CHD5: variants seen among roughly 807,000 people sequenced by gnomAD.
The protein encoded by CHD5 is ATP-dependent chromatin remodeler CHD5.
CHD5 carries 69 observed loss-of-function variants against 230.3 expected under a neutral mutation model. That is an observed-to-expected ratio of 0.30 (90% CI 0.25 to 0.37). The LOEUF (loss-of-function observed/expected upper bound fraction) is 0.37. CHD5 is among the 10% of genes least tolerant of loss of function. The pLI, the probability that CHD5 is intolerant of heterozygous loss-of-function variation, is 1.00. For synonymous variants in CHD5, 1,064 were observed against 1,065.9 expected (o/e 1.00, Z 0.03); for missense variants, 1,827 against 2,622.8 (o/e 0.70, Z 6.63).
At position 6,142,932 on chromosome 1, in the gene CHD5, G is replaced by T. The variant is rs1233759517; in HGVS notation, c.2044-327C>A. Among the ~76,000 whole-genome samples the T allele has an allele frequency of 6.6e-6, 1 of 152,202 alleles. No homozygotes were observed. The highest frequency in any genetic ancestry group is 1.5e-5 in the Non-Finnish European group (1 of 68,044). ...GGTCCTGTTCACTGCCTCCTCTTGA[G>T]TACCACACAGTGCCTGGGACATGTG... On this transcript the variant is annotated intron_variant, in intron 13 of 41. Transcript: ENST00000262450. The surrounding 1 kb of genome is among the most constrained non-coding windows in gnomAD (Gnocchi z 5.2).
rs1360142535 is a variant in CHD5, at chr1:6,104,032, C to T, written c.*1442G>A. The T allele has an allele frequency of 1.3e-5, 2 of 152,136 alleles. No homozygotes were observed. The highest frequency in any genetic ancestry group is 4.8e-5 in the African/African-American group (2 of 41,400). The allele number at this position is 152,136 out of a possible 1,614,324, so 9.4% of individuals were successfully genotyped here. A position where few individuals can be genotyped will look rare whatever the true frequency, so the allele number is the denominator to read the frequency against. On this transcript the variant is annotated 3_prime_UTR_variant, in exon 42 of 42. Coordinates refer to ENST00000262450, the MANE Select transcript of CHD5 (RefSeq NM_015557.3). ...TTCCTAACATTCCCAGGATTCTGCA[C>T]CCCAAGGCACCTTCCCTGGGAAGGT...
chr1:6,180,044 G>A lies in CHD5; in HGVS notation c.-21C>T, dbSNP rs757511767. ...CGCATGCCCGGCGCGGGGAGGAGGG[G>A]AGGTGGGCGCCCCCCCTCCCGCCGG... On this transcript the variant is annotated 5_prime_UTR_variant, in exon 1 of 42. Coordinates refer to ENST00000262450, the MANE Select transcript of CHD5 (RefSeq NM_015557.3). 3.1e-6 allele frequency: 4 copies of A among 1,277,016 alleles called. No homozygotes were observed. The highest frequency in any genetic ancestry group is 2.1e-4 in the Middle Eastern group (1 of 4,782). 79.1% of individuals were successfully genotyped at this position (1,277,016 alleles called of 1,614,324 possible).
At chr1:6,161,075 A>G (rs969906509) in intron 2 of CHD5, among the ~76,000 whole-genome samples, 10 of 152,178 alleles carry the variant, frequency 6.6e-5, no homozygotes, top group African/African-American at 2.4e-4. Context: ...GAGATAAAAA[A>G]TGAGCTCAGG....
intron 2 of CHD5, among the ~76,000 whole-genome samples, chr1:6,163,523 G>C (rs949257498): frequency 7.2e-5 from 11 of 152,170 alleles, no homozygotes; most frequent in Non-Finnish European, 1.5e-5. Flanking sequence ...CCTCCTTTTT[G>C]TGGTGTTTTT....
Position 6,164,825 on chromosome 1 carries a change from G to C in CHD5, c.207+3325C>G, listed in dbSNP as rs375469169. Among the ~76,000 whole-genome samples, 100 of 152,308 alleles carry C rather than the reference G, an allele frequency of 6.6e-4. 1 individual carries two copies. The highest frequency in any genetic ancestry group is 2.4e-3 in the African/African-American group (100 of 41,552). On this transcript the variant is annotated intron_variant, in intron 2 of 41. Coordinates refer to ENST00000262450, the MANE Select transcript of CHD5 (RefSeq NM_015557.3). ...CCTTCCCCTTCCAAGAACCAGAGCT[G>C]CATCTCAGTAGAGAGAAGGAGAGAG...
chr1:6,158,305 GC>G (rs1667110915), intron 3 of CHD5, among the ~76,000 whole-genome samples: 1 of 152,234 alleles, frequency 6.6e-6, no homozygotes, highest in African/African-American at 2.4e-5. Context: ...TAGCCGCTCT[GC>G]CCCACGTGCA....
intron 12 of CHD5, 31 bp from the exon 13 acceptor site, chr1:6,143,962 A>C: frequency 6.2e-7 from 1 of 1,614,118 alleles, no homozygotes. Context: ...CAGGTGAGCA[A>C]GGCTCAGCCC....
rs181256059 is a variant in CHD5 at position 6,171,244 on chromosome 1, C to A, written c.80-2967G>T. On this transcript the variant is annotated intron_variant, in intron 1 of 41. Coordinates refer to ENST00000262450, the MANE Select transcript of CHD5 (RefSeq NM_015557.3). ...GGACAAAGGGGGACCCCTGCTCTGG[C>A]CCTAACCCACGCCCAGAACAGGCCT... 5.4e-4 allele frequency among the ~76,000 whole-genome samples: 83 copies of A among 152,322 alleles called. 1 individual carries two copies. In the East Asian group the frequency reaches 0.014, roughly 25 times the overall value.
chr1:6,158,070 T>A (rs1667107372), intron 3 of CHD5, among the ~76,000 whole-genome samples: 1 of 152,210 alleles, frequency 6.6e-6, no homozygotes. Flanking sequence ...CCTTGGTGTC[T>A]CTTAAAAGAA....
chr1:6,168,843 A>G (rs1340042845), intron 1 of CHD5, among the ~76,000 whole-genome samples: 1 of 151,918 alleles, frequency 6.6e-6, no homozygotes, highest in East Asian at 1.9e-4. Context: ...ACACGATGAA[A>G]CCCCGTCTCT....
At chr1:6,114,967 T>C (rs567972217) in intron 33 of CHD5, among the ~76,000 whole-genome samples, 61 of 150,710 alleles carry the variant, frequency 4.0e-4, no homozygotes, top group African/African-American at 1.3e-3. Flanking sequence ...TGAGCCGAGA[T>C]TGCACCACTG....
chr1:6,114,309 A>G lies in CHD5; in HGVS notation c.4913-1311T>C, dbSNP rs1213803610. On this transcript the variant is annotated intron_variant, in intron 33 of 41. Transcript: ENST00000262450. The stretch of plus-strand genomic sequence containing the variant: ...GATGCACCCAATCTAAACCCAGAAA[A>G]CAATGATCCCCCACCAGCCGACGCA... 5.9e-5 allele frequency among the ~76,000 whole-genome samples: 9 copies of G among 152,156 alleles called. No homozygotes were observed. The East Asian group carries it at 1.7e-3, about 29-fold the overall frequency.
At position 6,128,021 on chromosome 1, in the gene CHD5, A is replaced by C. The variant is rs749247368; in HGVS notation, c.3903+25T>G. On this transcript the variant is annotated intron_variant, in intron 25 of 41. Transcript: ENST00000262450. This position sits in a 1 kb window ranked among gnomAD's most constrained non-coding sequence, Gnocchi z 7.8. ...CTGCGGATGGAGGGCGGGGCTGCGG[A>C]TGGAGGGCGGGCCGGGGACCTTACC... is the stretch of plus-strand genomic sequence containing the variant. The C allele has an allele frequency of 3.6e-5, 55 of 1,544,342 alleles. No individual in the cohort carries two copies. Among genetic ancestry groups the C allele is most frequent in the Non-Finnish European group, 4.6e-5 (52 of 1,140,564 alleles).
At chr1:6,137,977 C>T (rs1666770407) in intron 15 of CHD5, among the ~76,000 whole-genome samples, 1 of 152,188 alleles carries the variant, frequency 6.6e-6, no homozygotes, top group African/African-American at 2.4e-5. Flanking sequence ...GGAGGGGGAG[C>T]CAGGCACCCG....
chr1:6,163,619 C>T (rs1020384883), intron 2 of CHD5, among the ~76,000 whole-genome samples: 8 of 152,178 alleles, frequency 5.3e-5, no homozygotes, highest in Admixed American at 1.3e-4. Context: ...CCTGGAGGGA[C>T]GGAGCATCAT....
intron 33 of CHD5, among the ~76,000 whole-genome samples, chr1:6,117,596 T>A (rs950928433): frequency 3.3e-5 from 5 of 152,294 alleles, no homozygotes; most frequent in African/African-American, 9.6e-5. Context: ...TTCAATAATT[T>A]AAAAAAATCC....
At chr1:6,150,144 G>T (rs1666979599) in intron 7 of CHD5, among the ~76,000 whole-genome samples, 1 of 149,338 alleles carries the variant, frequency 6.7e-6, no homozygotes, top group South Asian at 2.2e-4. Flanking sequence ...GGATGGATGG[G>T]TGGACAAATG....
In CHD5 at chr1:6,131,577, G is replaced by A; in HGVS notation, c.3262+54C>T. On this transcript the variant is annotated intron_variant, in intron 21 of 41. Coordinates refer to ENST00000262450, the MANE Select transcript of CHD5 (RefSeq NM_015557.3). The surrounding 1 kb of genome is among the most constrained non-coding windows in gnomAD (Gnocchi z 5.0). Reference sequence around the variant, plus strand: ...TGACCTGGCTAAGAACCAGGCCTGGGAGAAGAGGCCAAAAAGGAGTCTCAA... The same window carrying A: ...TGACCTGGCTAAGAACCAGGCCTGGAAGAAGAGGCCAAAAAGGAGTCTCAA... 1.9e-6 allele frequency: 2 copies of A among 1,076,530 alleles called. No individual in the cohort carries two copies. The highest frequency in any genetic ancestry group is 2.9e-6 in the Non-Finnish European group (2 of 698,692). 66.7% of individuals were successfully genotyped at this position (1,076,530 alleles called of 1,614,324 possible). A position where few individuals can be genotyped will look rare whatever the true frequency, so the allele number is the denominator to read the frequency against.
intron 33 of CHD5, among the ~76,000 whole-genome samples, chr1:6,116,280 G>A (rs1198673363): frequency 6.6e-6 from 1 of 152,002 alleles, no homozygotes; most frequent in African/African-American, 2.4e-5. Context: ...TATGTTTGTT[G>A]GATGAATGAA....
Sources: allele counts gnomAD v4.1 joint callset (sites outside exome capture counted in the v4.1 genomes callset), GRCh38; gene constraint gnomAD v4.1.1; non-coding constraint Gnocchi (gnomAD v3.1); transcripts MANE v1.5; gene names NCBI Gene and HGNC (gene_info 2026-07-23, HGNC 2026-07-21).